PPFIBP2: variants seen among roughly 807,000 people sequenced by gnomAD.
PPFIBP2 encodes the protein liprin-beta-2.
A neutral mutation model predicts 118.3 loss-of-function variants in PPFIBP2; 118 were observed. The observed-to-expected ratio is 1.00, with a 90% CI of 0.86 to 1.16. PPFIBP2 has a LOEUF of 1.16. Ranked by LOEUF, PPFIBP2 falls within the 50% of genes most tolerant of loss-of-function variation. The pLI is 0.00. For missense variants in PPFIBP2, 1,195 were observed against 1,073.1 expected, an observed-to-expected ratio of 1.11 and a Z score of -1.59; for synonymous variants, 414 against 397.4, an observed-to-expected ratio of 1.04 and a Z score of -0.50.
At chr11:7,656,978 G>C, downstream of PPFIBP2, 1 of 385,594 alleles carries the variant, frequency 2.6e-6, no homozygotes. Flanking sequence ...GTGGCCCCAG[G>C]GTCCATGTGT....
In PPFIBP2 at chr11:7,628,267, A is replaced by G. The variant is rs754653604; in HGVS notation, c.827-18A>G. On this transcript the variant is annotated intron_variant, in intron 8 of 23. Coordinates refer to ENST00000299492, the MANE Select transcript of PPFIBP2 (RefSeq NM_003621.5). ...TGTATTTATATAAATAATTATTTCT[A>G]TACCTGAATTCTTTTAGACCAAGAA... 4 of 1,604,682 alleles carry G rather than the reference A, an allele frequency of 2.5e-6. No homozygotes were observed. In the Admixed American group the frequency reaches 5.0e-5, roughly 20 times the overall value.
chr11:7,554,283 A>G (rs1018232229), intron 2 of PPFIBP2, among the ~76,000 whole-genome samples: 5 of 152,200 alleles, frequency 3.3e-5, no homozygotes, highest in African/African-American at 9.6e-5. Flanking sequence ...AATAGTAACC[A>G]CTTACACAGA....
intron 2 of PPFIBP2, among the ~76,000 whole-genome samples, chr11:7,564,827 G>A (rs539756491): frequency 2.6e-5 from 4 of 152,314 alleles, no homozygotes. Flanking sequence ...GAGAAAGAGT[G>A]GAACCTGTTA....
chr11:7,519,073 G>C (rs1440967307), intron 1 of PPFIBP2, among the ~76,000 whole-genome samples: 1 of 152,148 alleles, frequency 6.6e-6, no homozygotes, highest in East Asian at 1.9e-4. Flanking sequence ...GGACAGTGTA[G>C]GAAAAGAAGT....
intron 2 of PPFIBP2, among the ~76,000 whole-genome samples, chr11:7,558,753 C>T (rs1346849495): frequency 7.5e-6 from 1 of 133,670 alleles, no homozygotes; most frequent in African/African-American, 2.6e-5. Flanking sequence ...AACTCTGTCT[C>T]AAAAAAAAAA....
chr11:7,578,995 G>T (rs929921009), intron 3 of PPFIBP2, among the ~76,000 whole-genome samples: 1 of 151,882 alleles, frequency 6.6e-6, no homozygotes, highest in Admixed American at 6.6e-5. Context: ...TGGGCAACCT[G>T]GTTTGTGTGC....
chr11:7,514,671 T>C (rs905275404), intron 1 of PPFIBP2, among the ~76,000 whole-genome samples: 1 of 152,218 alleles, frequency 6.6e-6, no homozygotes, highest in Admixed American at 6.5e-5. Context: ...CCCAGTAGAC[T>C]GCAGGATGGG....
the PPFIBP2 span, chr11:7,666,851 T>TGATA: frequency 1.1e-5 from 3 of 270,552 alleles, no homozygotes; most frequent in South Asian, 9.4e-5. Context: ...ATGGCTTCAC[T>TGATA]CGGAGCTCCA....
the PPFIBP2 span, among the ~76,000 whole-genome samples, chr11:7,663,587 A>C: frequency 6.6e-6 from 1 of 152,146 alleles, no homozygotes; most frequent in African/African-American, 2.4e-5. Flanking sequence ...TGTAGAAGTT[A>C]CTTCTGTCTT....
At chr11:7,644,287 G>A (rs931362805) in intron 17 of PPFIBP2, among the ~76,000 whole-genome samples, 1 of 152,062 alleles carries the variant, frequency 6.6e-6, no homozygotes, top group Non-Finnish European at 1.5e-5. Context: ...CATCCACTTT[G>A]TGAATTCTTT....
chr11:7,642,487 A>G (rs1002811494), intron 17 of PPFIBP2, 61 bp downstream of exon 17: 9 of 1,544,932 alleles, frequency 5.8e-6, no homozygotes, highest in South Asian at 4.8e-5. Context: ...TCTCCCTTCA[A>G]ACCTGCATGG....
chr11:7,572,801 C>T (rs1057246098), intron 3 of PPFIBP2, among the ~76,000 whole-genome samples: 4 of 152,230 alleles, frequency 2.6e-5, no homozygotes, highest in Non-Finnish European at 4.4e-5. Context: ...TTTTTTGAGA[C>T]GGAGTTTTAC....
At chr11:7,567,971 A>G (rs1239612431) in intron 3 of PPFIBP2, among the ~76,000 whole-genome samples, 1 of 152,198 alleles carries the variant, frequency 6.6e-6, no homozygotes, top group Non-Finnish European at 1.5e-5. Flanking sequence ...CATGTGGGTT[A>G]GGATTGGAGT....
chr11:7,562,927 TTTTATATATATATATATATATATATA>T (rs1229352620), intron 2 of PPFIBP2, among the ~76,000 whole-genome samples: 4 of 81,928 alleles, frequency 4.9e-5, no homozygotes, highest in African/African-American at 1.3e-4. Context: ...GAAATTAAAG[TTTTATATATATATATATATATATATA>T]TATATATATA....
At chr11:7,605,919 G>T (rs1211347417) in intron 5 of PPFIBP2, 5 of 1,523,634 alleles carry the variant, frequency 3.3e-6, no homozygotes, top group Non-Finnish European at 4.4e-6. Flanking sequence ...AAGCCTGTTG[G>T]AGCTGAGGTC....
At chr11:7,628,968 G>A (rs1850390088) in intron 9 of PPFIBP2, among the ~76,000 whole-genome samples, 1 of 152,198 alleles carries the variant, frequency 6.6e-6, no homozygotes, top group Admixed American at 6.5e-5. Flanking sequence ...TCTATGACCT[G>A]TGTGGTCTCC....
At chr11:7,584,549 G>A (rs1482778641) in intron 3 of PPFIBP2, among the ~76,000 whole-genome samples, 1 of 152,208 alleles carries the variant, frequency 6.6e-6, no homozygotes, top group East Asian at 1.9e-4. Context: ...AAGCAGAACT[G>A]GTCCTGGGAA....
chr11:7,609,119 G>A (rs1326263185), intron 5 of PPFIBP2, among the ~76,000 whole-genome samples: 1 of 152,202 alleles, frequency 6.6e-6, no homozygotes, highest in African/African-American at 2.4e-5. Flanking sequence ...CTGTTGGCCT[G>A]GGGAATCATG....
intron 9 of PPFIBP2, among the ~76,000 whole-genome samples, chr11:7,628,726 G>C (rs1328145536): frequency 3.9e-5 from 6 of 152,218 alleles, no homozygotes; most frequent in African/African-American, 1.4e-4. Context: ...ACACTTGGCA[G>C]TATGCAGTGC....
Sources: allele counts gnomAD v4.1 joint callset (sites outside exome capture counted in the v4.1 genomes callset), GRCh38; gene constraint gnomAD v4.1.1; transcripts MANE v1.5; gene names NCBI Gene and HGNC (gene_info 2026-07-23, HGNC 2026-07-21).